Variants in SIPA1L1 observed in about 807,000 individuals in gnomAD.
SIPA1L1 encodes signal-induced proliferation-associated 1-like protein 1.
SIPA1L1 carries 26 observed loss-of-function variants against 162.7 expected under a neutral mutation model. The observed-to-expected ratio is 0.16, with a 90% CI of 0.12 to 0.22. The LOEUF (loss-of-function observed/expected upper bound fraction) is 0.22, where lower values mean the gene tolerates loss of function less well. Among genes scored for constraint, SIPA1L1 ranks in the 10% least tolerant of loss-of-function variants. The pLI is 1.00. For missense variants in SIPA1L1, 1,874 were observed against 2,241.0 expected (o/e 0.84, Z 3.31); for synonymous variants, 829 against 837.4 (o/e 0.99, Z 0.17).
chr14:71,696,137 A>G (rs995044145), intron 13 of SIPA1L1, among the ~76,000 whole-genome samples: 11 of 152,192 alleles, frequency 7.2e-5, no homozygotes, highest in Admixed American at 3.3e-4. Context: ...TGCCCCACGC[A>G]TACACTACTT....
At chr14:71,381,584 T>G (rs2039908683) in intron 2 of SIPA1L1, among the ~76,000 whole-genome samples, 1 of 152,190 alleles carries the variant, frequency 6.6e-6, no homozygotes, top group African/African-American at 2.4e-5. Flanking sequence ...ACTTGAAAAA[T>G]CGGGTGGATT....
At chr14:71,480,378 C>T (rs560995980) in intron 2 of SIPA1L1, among the ~76,000 whole-genome samples, 28 of 150,738 alleles carry the variant, frequency 1.9e-4, no homozygotes, top group African/African-American at 5.6e-4. Context: ...CGTGAGCCAC[C>T]GTGCCCGGCC....
intron 2 of SIPA1L1, among the ~76,000 whole-genome samples, chr14:71,371,276 G>GTAA (rs1478799639): frequency 6.6e-6 from 1 of 152,170 alleles, no homozygotes; most frequent in Non-Finnish European, 1.5e-5. Flanking sequence ...CTTACCTTGA[G>GTAA]TAATGATAAG....
At chr14:71,630,142 G>A (rs1249722177) in intron 7 of SIPA1L1, among the ~76,000 whole-genome samples, 1 of 152,220 alleles carries the variant, frequency 6.6e-6, no homozygotes, top group African/African-American at 2.4e-5. Flanking sequence ...TATGATATTA[G>A]CTAATGCATG....
chr14:71,446,817 C>T (rs2045382442), intron 2 of SIPA1L1, among the ~76,000 whole-genome samples: 1 of 149,474 alleles, frequency 6.7e-6, no homozygotes, highest in Non-Finnish European at 1.5e-5. Context: ...TTCTTCATCT[C>T]TCCTTGACAA....
intron 2 of SIPA1L1, among the ~76,000 whole-genome samples, chr14:71,357,937 G>T (rs2037432517): frequency 6.6e-6 from 1 of 151,954 alleles, no homozygotes; most frequent in African/African-American, 2.4e-5. Flanking sequence ...TTGTTACATT[G>T]GCCAGGTTGG....
chr14:71,724,932 TG>T (rs747581942), intron 19 of SIPA1L1, 97 bp downstream of exon 19: 128 of 1,099,894 alleles, frequency 1.2e-4, no homozygotes, highest in Non-Finnish European at 1.5e-4. Flanking sequence ...TGTTGGTTAC[TG>T]GCTGCTCTTC....
intron 2 of SIPA1L1, among the ~76,000 whole-genome samples, chr14:71,360,696 C>T (rs2037727284): frequency 1.3e-5 from 2 of 151,962 alleles, no homozygotes; most frequent in Admixed American, 1.3e-4. Flanking sequence ...GAGGAATTGC[C>T]TTTTGGAAGT....
chr14:71,716,505 A>G (rs1380804313), intron 17 of SIPA1L1, among the ~76,000 whole-genome samples: 1 of 152,302 alleles, frequency 6.6e-6, no homozygotes, highest in African/African-American at 2.4e-5. Context: ...AAGTTTTCCC[A>G]TCAGCAGCTT....
chr14:71,662,538 G>A (rs2043619460), intron 10 of SIPA1L1, among the ~76,000 whole-genome samples: 1 of 152,234 alleles, frequency 6.6e-6, no homozygotes, highest in Non-Finnish European at 1.5e-5. Flanking sequence ...TAGCTGGCTA[G>A]TGTTGAGCAG....
chr14:71,672,710 G>T, intron 12 of SIPA1L1, 88 bp downstream of exon 12: 1 of 1,409,504 alleles, frequency 7.1e-7, no homozygotes. Flanking sequence ...TAGTGGAGTA[G>T]GGTGTTGTGA....
intron 19 of SIPA1L1, among the ~76,000 whole-genome samples, chr14:71,726,605 A>C (rs1434685071): frequency 1.3e-5 from 2 of 152,200 alleles, no homozygotes; most frequent in African/African-American, 4.8e-5. Flanking sequence ...TAGCATTCCT[A>C]TTTGAAACAG....
chr14:71,576,976 G>A (rs900364450), intron 4 of SIPA1L1, among the ~76,000 whole-genome samples: 29 of 151,692 alleles, frequency 1.9e-4, no homozygotes, highest in African/African-American at 5.6e-4. Context: ...CCAGCCACTC[G>A]GGTGGCTGAG....
chr14:71,578,529 A>G (rs776461132), intron 4 of SIPA1L1, among the ~76,000 whole-genome samples: 2 of 152,208 alleles, frequency 1.3e-5, no homozygotes, highest in African/African-American at 2.4e-5. Flanking sequence ...CTAATAGCCT[A>G]CTGTTTACCA....
At chr14:71,509,996 A>G (rs1159989241) in intron 2 of SIPA1L1, among the ~76,000 whole-genome samples, 1 of 152,058 alleles carries the variant, frequency 6.6e-6, no homozygotes, top group African/African-American at 2.4e-5. Flanking sequence ...TTTCAACTTG[A>G]CACAAGTGCC....
Position 71,733,663 on chromosome 14 carries a change from C to T in SIPA1L1, c.4862-3C>T. On this transcript the variant is annotated splice_region_variant and splice_polypyrimidine_tract_variant and intron_variant, in intron 20 of 23. Coordinates refer to ENST00000381232, the MANE Select transcript of SIPA1L1 (RefSeq NM_001386936.1). ...GCATCTCATTCCTCCTCCCTTCCCG[C>T]AGGAGAGTTCTCAGCCTCGGACAGC... The T allele has an allele frequency of 6.2e-7, 1 of 1,613,322 alleles. No individual in the cohort carries two copies. Among genetic ancestry groups the T allele is most frequent in the Middle Eastern group, 1.7e-4 (1 of 6,056 alleles).
At chr14:71,368,635 CT>C (rs2038605512) in intron 2 of SIPA1L1, among the ~76,000 whole-genome samples, 1 of 126,684 alleles carries the variant, frequency 7.9e-6, no homozygotes, top group Non-Finnish European at 1.7e-5. Context: ...GTGCATGTGT[CT>C]TTATAGCAGC....
intron 7 of SIPA1L1, among the ~76,000 whole-genome samples, chr14:71,648,905 G>A (rs1274828700): frequency 6.6e-6 from 1 of 152,172 alleles, no homozygotes; most frequent in Non-Finnish European, 1.5e-5. Flanking sequence ...TACTGTACTA[G>A]TTCCTCTCTC....
chr14:71,469,763 G>A (rs2047305409), intron 2 of SIPA1L1, among the ~76,000 whole-genome samples: 1 of 152,200 alleles, frequency 6.6e-6, no homozygotes, highest in African/African-American at 2.4e-5. Context: ...GGAGTAAAGT[G>A]ACGTTTGTGG....
Sources: allele counts gnomAD v4.1 joint callset (sites outside exome capture counted in the v4.1 genomes callset), GRCh38; gene constraint gnomAD v4.1.1; transcripts MANE v1.5; gene names NCBI Gene and HGNC (gene_info 2026-07-23, HGNC 2026-07-21).